The following SCMH1 variants were observed in gnomAD, a reference collection of about 807,000 sequenced individuals.
SCMH1 encodes the protein polycomb protein SCMH1.
A neutral mutation model predicts 70.8 loss-of-function variants in SCMH1; 37 were observed. The observed-to-expected ratio is 0.52, with a 90% CI of 0.40 to 0.69. The LOEUF (loss-of-function observed/expected upper bound fraction) is 0.69. Ranked by LOEUF, SCMH1 falls within the 30% of genes least tolerant of loss-of-function variation. SCMH1 has a pLI of 0.00. For missense variants in SCMH1, 607 were observed against 827.3 expected (o/e 0.73, Z 3.27); for synonymous variants, 292 against 307.4 (o/e 0.95, Z 0.52).
At chr1:41,156,114 G>A (rs539268358) in intron 4 of SCMH1, among the ~76,000 whole-genome samples, 3 of 151,670 alleles carry the variant, frequency 2.0e-5, no homozygotes, top group South Asian at 2.1e-4. Flanking sequence ...TGGACAGACC[G>A]CTCTTTATAG....
chr1:41,156,373 C>G (rs1239811720), intron 4 of SCMH1, among the ~76,000 whole-genome samples: 1 of 152,176 alleles, frequency 6.6e-6, no homozygotes, highest in African/African-American at 2.4e-5. Context: ...AAATAGTGTT[C>G]CATGTACCAA....
chr1:41,220,759 A>G (rs1191467063), intron 1 of SCMH1, among the ~76,000 whole-genome samples: 1 of 152,224 alleles, frequency 6.6e-6, no homozygotes, highest in Non-Finnish European at 1.5e-5. Flanking sequence ...AATGGAACAT[A>G]TCTTGTGCTA....
At chr1:41,056,495 G>T (rs1458454967) in intron 10 of SCMH1, among the ~76,000 whole-genome samples, 2 of 151,574 alleles carry the variant, frequency 1.3e-5, no homozygotes, top group Admixed American at 6.6e-5. Context: ...AGAATTGGAG[G>T]TTATTAAAAA....
At chr1:41,076,476 C>T (rs1345365345) in intron 8 of SCMH1, among the ~76,000 whole-genome samples, 6 of 152,076 alleles carry the variant, frequency 3.9e-5, no homozygotes, top group Admixed American at 3.9e-4. Context: ...GAACTGTGAA[C>T]AAACCAGACT....
At chr1:41,110,144 C>T (rs949392293) in intron 8 of SCMH1, among the ~76,000 whole-genome samples, 6 of 152,156 alleles carry the variant, frequency 3.9e-5, no homozygotes, top group African/African-American at 1.4e-4. Flanking sequence ...AGAGGAGTGG[C>T]ACTTTCCTGA....
At chr1:41,131,041 C>T (rs1210538808) in intron 6 of SCMH1, among the ~76,000 whole-genome samples, 1 of 152,138 alleles carries the variant, frequency 6.6e-6, no homozygotes, top group Non-Finnish European at 1.5e-5. Context: ...TTAGCTCTTA[C>T]ATTTAGGTCC....
At chr1:41,027,752 C>CT (rs149040594) in exon 15 of SCMH1, 12,356 of 158,702 alleles carry the variant, frequency 0.078, 627 homozygotes, top group South Asian at 0.12. Flanking sequence ...ACAATAAGAT[C>CT]TTTTTGTAAA....
intron 5 of SCMH1, among the ~76,000 whole-genome samples, chr1:41,150,278 G>A (rs1182478892): frequency 2.6e-5 from 4 of 151,980 alleles, no homozygotes; most frequent in Non-Finnish European, 4.4e-5. Context: ...CAAGGTGGGT[G>A]GATCACCTGA....
chr1:41,057,359 G>A (rs1650769075), intron 10 of SCMH1, among the ~76,000 whole-genome samples: 1 of 151,986 alleles, frequency 6.6e-6, no homozygotes, highest in African/African-American at 2.4e-5. Context: ...TCCGCCTCCC[G>A]GGTTCAAGCG....
At chr1:41,188,911 G>GA (rs1434018464) in intron 1 of SCMH1, among the ~76,000 whole-genome samples, 1 of 152,040 alleles carries the variant, frequency 6.6e-6, no homozygotes, top group African/African-American at 2.4e-5. Flanking sequence ...CTGGAAAACA[G>GA]AAAAAAGATG....
At chr1:41,150,818 TC>T (rs376777892) in intron 5 of SCMH1, among the ~76,000 whole-genome samples, 17 of 150,142 alleles carry the variant, frequency 1.1e-4, no homozygotes, top group African/African-American at 4.2e-4. Context: ...GTGCCTGTAG[TC>T]CCAGCTACTC....
chr1:41,045,871 A>G (rs1185300919), intron 12 of SCMH1: 1 of 152,666 alleles, frequency 6.6e-6, no homozygotes, highest in African/African-American at 2.4e-5. Context: ...TGGGTCTGGT[A>G]TGTTAACTAA....
intron 2 of SCMH1, among the ~76,000 whole-genome samples, chr1:41,167,994 C>T (rs934520989): frequency 2.0e-5 from 3 of 149,146 alleles, no homozygotes; most frequent in African/African-American, 7.4e-5. Context: ...CTGTGAAATC[C>T]ACTGCTGGCC....
chr1:41,057,153 G>A (rs539374171), intron 10 of SCMH1, among the ~76,000 whole-genome samples: 1 of 152,288 alleles, frequency 6.6e-6, no homozygotes, highest in East Asian at 1.9e-4. Flanking sequence ...CACAGCCCAG[G>A]GGCAAAGGCT....
chr1:41,153,176 T>C (rs1260869795), intron 4 of SCMH1, among the ~76,000 whole-genome samples: 1 of 152,242 alleles, frequency 6.6e-6, no homozygotes, highest in Non-Finnish European at 1.5e-5. Context: ...TTCCCTGGAT[T>C]GAGAATCTTC....
chr1:41,089,604 A>C lies in SCMH1; in HGVS notation c.746-14153T>G, dbSNP rs567766969. Among the ~76,000 whole-genome samples the C allele has an allele frequency of 8.5e-4, 129 of 152,216 alleles. 1 individual carries two copies. Among genetic ancestry groups the C allele is most frequent in the Middle Eastern group, 3.4e-3 (1 of 292 alleles). On this transcript the variant is annotated intron_variant, in intron 8 of 14. Transcript: ENST00000337495. ...CACAGCTACCAGAGTGAGCCTGTTAAAACATGCTTCAGATCTCACCATTCC... is the reference window on the plus strand; with the variant it reads ...CACAGCTACCAGAGTGAGCCTGTTACAACATGCTTCAGATCTCACCATTCC...
At chr1:41,059,414 G>T (rs531235778) in intron 10 of SCMH1, among the ~76,000 whole-genome samples, 34 of 152,302 alleles carry the variant, frequency 2.2e-4, no homozygotes, top group African/African-American at 7.9e-4. Context: ...AGGAGCATCT[G>T]AACACTGAGA....
intron 6 of SCMH1, among the ~76,000 whole-genome samples, chr1:41,135,198 T>C (rs72663799): frequency 9.3e-4 from 141 of 152,280 alleles, no homozygotes; most frequent in Middle Eastern, 6.8e-3. Flanking sequence ...ATGTGTCTCA[T>C]AAAAACAATT....
intron 7 of SCMH1, among the ~76,000 whole-genome samples, chr1:41,114,428 A>C (rs1430446940): frequency 6.6e-6 from 1 of 152,224 alleles, no homozygotes; most frequent in African/African-American, 2.4e-5. Context: ...GATATCTGAT[A>C]GGAAAAGTCC....
Sources: allele counts gnomAD v4.1 joint callset (sites outside exome capture counted in the v4.1 genomes callset), GRCh38; gene constraint gnomAD v4.1.1; transcripts MANE v1.5; gene names NCBI Gene and HGNC (gene_info 2026-07-23, HGNC 2026-07-21).